The following STPG2 variants were observed in gnomAD, a reference collection of about 807,000 sequenced individuals.
The protein encoded by STPG2 is sperm-tail PG-rich repeat-containing protein 2.
A neutral mutation model predicts 54.2 loss-of-function variants in STPG2; 56 were observed. The observed-to-expected ratio is 1.03, with a 90% confidence interval of 0.83 to 1.29. The LOEUF (loss-of-function observed/expected upper bound fraction) is 1.29. Among genes scored for constraint, STPG2 ranks in the 50% most tolerant of loss-of-function variants. The pLI, the probability that STPG2 is intolerant of heterozygous loss-of-function variation, is 0.00. For synonymous variants in STPG2, 200 were observed against 181.8 expected (o/e 1.10, Z -0.81); for missense variants, 596 against 544.9 (o/e 1.09, Z -0.93).
At chr4:97,902,679 T>C (rs1160340977) in intron 8 of STPG2, among the ~76,000 whole-genome samples, 3 of 152,038 alleles carry the variant, frequency 2.0e-5, no homozygotes, top group Non-Finnish European at 4.4e-5. Flanking sequence ...AAAAGAAAGC[T>C]CTTACATATT....
chr4:97,559,803 A>C (rs190040363), intron 10 of STPG2, among the ~76,000 whole-genome samples: 3 of 152,286 alleles, frequency 2.0e-5, no homozygotes, highest in African/African-American at 7.2e-5. Flanking sequence ...TCCAATTCCT[A>C]ATGTCCTTTT....
intron 10 of STPG2, among the ~76,000 whole-genome samples, chr4:97,584,263 A>G (rs936989789): frequency 2.6e-5 from 4 of 152,068 alleles, no homozygotes; most frequent in Non-Finnish European, 5.9e-5. Context: ...GAAATTAAAT[A>G]ATCTGCTCCT....
At chr4:97,887,335 G>A (rs1379383016) in intron 8 of STPG2, among the ~76,000 whole-genome samples, 2 of 152,192 alleles carry the variant, frequency 1.3e-5, no homozygotes, top group Non-Finnish European at 2.9e-5. Context: ...GTAGTGAAAT[G>A]AACAGTGAAG....
chr4:97,538,200 C>T (rs1578371412), intron 4 of STPG2, among the ~76,000 whole-genome samples: 1 of 152,328 alleles, frequency 6.6e-6, no homozygotes, highest in South Asian at 2.1e-4. Flanking sequence ...CGGAGAATGA[C>T]TTTGACGAGT....
intron 5 of STPG2, among the ~76,000 whole-genome samples, chr4:98,070,768 T>A (rs1432258345): frequency 6.6e-6 from 1 of 151,870 alleles, no homozygotes; most frequent in Non-Finnish European, 1.5e-5. Context: ...TCACAATTGC[T>A]ACAAAATAGA....
At chr4:98,117,788 A>G (rs1430192334) in intron 3 of STPG2, among the ~76,000 whole-genome samples, 2 of 151,980 alleles carry the variant, frequency 1.3e-5, no homozygotes, top group African/African-American at 4.8e-5. Context: ...TATAATTTCT[A>G]TCTCTTTATT....
intron 4 of STPG2, among the ~76,000 whole-genome samples, chr4:97,461,379 G>A (rs1183514827): frequency 1.3e-5 from 2 of 152,202 alleles, no homozygotes; most frequent in Non-Finnish European, 2.9e-5. Flanking sequence ...CTCTTGCAAT[G>A]TGATGTTATT....
intron 8 of STPG2, among the ~76,000 whole-genome samples, chr4:97,922,480 T>G (rs1309396102): frequency 6.6e-6 from 1 of 152,216 alleles, no homozygotes; most frequent in Non-Finnish European, 1.5e-5. Flanking sequence ...AAACTGAGAA[T>G]GCCTTTGTTG....
intron 7 of STPG2, among the ~76,000 whole-genome samples, chr4:97,961,069 C>T (rs1020804883): frequency 1.6e-4 from 24 of 146,898 alleles, no homozygotes; most frequent in African/African-American, 6.1e-4. Flanking sequence ...TGGTCTTCAA[C>T]AAAGCAAACA....
chr4:97,443,322 C>T (rs1307096747), intron 4 of STPG2, among the ~76,000 whole-genome samples: 1 of 152,054 alleles, frequency 6.6e-6, no homozygotes, highest in East Asian at 1.9e-4. Context: ...TCTAATAAGG[C>T]AGGATGTCAA....
Position 97,982,382 on chromosome 4 carries a change from A to ACACG in STPG2, c.613-1065_613-1064insCGTG, listed in dbSNP as rs1356906089. Among the ~76,000 whole-genome samples the ACACG allele has an allele frequency of 6.7e-5, 10 of 149,606 alleles. No homozygotes were observed. The East Asian group carries it at 2.0e-3, about 29-fold the overall frequency. ...TTCCTCTGTCTCTCTTACTCTACACACACACACACACACACACACACACAC... is the reference window on the plus strand; with the variant it reads ...TTCCTCTGTCTCTCTTACTCTACACACACGCACACACACACACACACACACACAC... On this transcript the variant is annotated intron_variant, in intron 5 of 10. Coordinates refer to ENST00000295268, the MANE Select transcript of STPG2 (RefSeq NM_174952.3).
intron 4 of STPG2, among the ~76,000 whole-genome samples, chr4:97,479,525 C>A (rs192381163): frequency 6.6e-6 from 1 of 151,754 alleles, no homozygotes. Context: ...AATGTCCTTT[C>A]GAATCTGACA....
At chr4:97,628,807 T>A (rs886348312) in intron 10 of STPG2, among the ~76,000 whole-genome samples, 2 of 152,034 alleles carry the variant, frequency 1.3e-5, no homozygotes, top group African/African-American at 4.8e-5. Flanking sequence ...TACTGATAGA[T>A]AAAATAATAT....
chr4:97,773,246 A>C (rs1361330170), intron 9 of STPG2, among the ~76,000 whole-genome samples: 1 of 152,094 alleles, frequency 6.6e-6, no homozygotes, highest in Non-Finnish European at 1.5e-5. Context: ...TCATGAATTT[A>C]TTGGATTCAA....
At chr4:97,500,992 T>C (rs751972621) in intron 4 of STPG2, among the ~76,000 whole-genome samples, 5 of 152,044 alleles carry the variant, frequency 3.3e-5, no homozygotes, top group African/African-American at 4.8e-5. Flanking sequence ...AACTATGGCA[T>C]GTAAGAACCT....
chr4:97,620,905 TA>T (rs957075209), intron 10 of STPG2, among the ~76,000 whole-genome samples: 3 of 151,668 alleles, frequency 2.0e-5, no homozygotes, highest in African/African-American at 4.8e-5. Context: ...TCAACAAATT[TA>T]AAAAAAACCT....
chr4:97,569,204 C>T (rs921991870), intron 10 of STPG2, among the ~76,000 whole-genome samples: 7 of 152,098 alleles, frequency 4.6e-5, no homozygotes, highest in East Asian at 1.9e-4. Flanking sequence ...GTTTTCTCCC[C>T]TTTTAAGACC....
chr4:97,896,554 A>T (rs1039578357), intron 8 of STPG2, among the ~76,000 whole-genome samples: 3 of 151,766 alleles, frequency 2.0e-5, no homozygotes, highest in African/African-American at 7.2e-5. Flanking sequence ...AATCTATGTT[A>T]CTAATCTATT....
intron 4 of STPG2, among the ~76,000 whole-genome samples, chr4:97,541,044 C>T (rs1166971180): frequency 2.0e-5 from 3 of 152,182 alleles, no homozygotes; most frequent in Non-Finnish European, 4.4e-5. Context: ...GAAGCATTCC[C>T]TTTGAAAAAT....
Sources: gnomAD v4.1 joint callset for allele counts (sites outside exome capture counted in the v4.1 genomes callset) on GRCh38, gnomAD v4.1.1 for gene constraint, MANE v1.5 for transcripts, NCBI Gene and HGNC (gene_info 2026-07-23, HGNC 2026-07-21) for gene names.